LTBP1: variants seen among roughly 807,000 people sequenced by gnomAD.
The protein encoded by LTBP1 is latent transforming growth factor beta binding protein 1.
In LTBP1, 129 loss-of-function variants were observed where a neutral mutation model predicts 207.6. The ratio of observed to expected loss-of-function variants is 0.62; its 90% confidence interval spans 0.54 to 0.72. The LOEUF is 0.72. Among genes scored for constraint, LTBP1 ranks in the 30% least tolerant of loss-of-function variants. The probability of loss-of-function intolerance (pLI) is 0.00; values close to 1 mark genes in which losing one functional copy is unlikely to be tolerated. For missense variants in LTBP1, 2,281 were observed against 2,217.2 expected (o/e 1.03, Z -0.58); for synonymous variants, 963 against 833.7 (o/e 1.16, Z -2.67).
At chr2:32,952,624 G>A (rs1179380285) in intron 2 of LTBP1, among the ~76,000 whole-genome samples, 3 of 152,190 alleles carry the variant, frequency 2.0e-5, no homozygotes, top group Non-Finnish European at 4.4e-5. Flanking sequence ...TAACATTTTT[G>A]CCTCCTATCA....
chr2:33,320,681 T>C (rs886934859), intron 24 of LTBP1, among the ~76,000 whole-genome samples: 7 of 152,194 alleles, frequency 4.6e-5, no homozygotes, highest in Non-Finnish European at 1.0e-4. Context: ...TCAACATGAA[T>C]TCTATTGTCC....
At chr2:33,190,844 A>G (rs947384784) in intron 7 of LTBP1, among the ~76,000 whole-genome samples, 3 of 152,210 alleles carry the variant, frequency 2.0e-5, no homozygotes, top group Non-Finnish European at 4.4e-5. Context: ...AAATGCGACT[A>G]CAGGGGACCT....
chr2:33,114,142 G>C (rs558318113), intron 4 of LTBP1, among the ~76,000 whole-genome samples: 67 of 152,258 alleles, frequency 4.4e-4, no homozygotes, highest in African/African-American at 1.4e-3. Context: ...ATGCCCAGCC[G>C]GTAAAGGATA....
intron 2 of LTBP1, among the ~76,000 whole-genome samples, chr2:32,975,583 G>GTTTTTTTTTTTTTTTTTTTTTTTT (rs779168923): frequency 6.4e-5 from 2 of 31,360 alleles, no homozygotes; most frequent in African/African-American, 2.8e-4. Flanking sequence ...TTCATTCTTT[G>GTTTTTTTTTTTTTTTTTTTTTTTT]TTTTTTTTTT....
At chr2:33,228,857 A>G (rs2367508) in intron 9 of LTBP1, among the ~76,000 whole-genome samples, 70,224 of 150,630 alleles carry the variant, frequency 0.47, 16,722 homozygotes, top group Non-Finnish European at 0.52. Context: ...ACGCCACCAC[A>G]CCCGGCTAAT....
In LTBP1 at chr2:33,365,405, G is replaced by T; in HGVS notation, c.4613G>T (p.Arg1538Leu). The T allele has an allele frequency of 3.1e-6, 5 of 1,614,114 alleles. No individual in the cohort carries two copies. Among genetic ancestry groups the T allele is most frequent in the Non-Finnish European group, 4.2e-6 (5 of 1,180,014 alleles). Residue 1538 changes from arginine to leucine, a missense_variant, in exon 31 of 34, where the codon CGG (arginine) becomes CTG (leucine). Around this residue, in one of 3 missense-constraint regions of LTBP1, gnomAD observed 1,671 missense variants for 1,634.8 expected, o/e 1.02. Coordinates refer to ENST00000404816, the MANE Select transcript of LTBP1 (RefSeq NM_206943.4). ...EHLSDEYVCS[R>L]PLVGKQTTYT... ...CTGAGTGATGAATACGTGTGTAGCC[G>T]GCCTCTTGTGGGCAAGCAGACAACG...
chr2:33,013,037 T>C (rs1010607637), intron 2 of LTBP1, among the ~76,000 whole-genome samples: 5 of 152,206 alleles, frequency 3.3e-5, no homozygotes, highest in African/African-American at 1.2e-4. Flanking sequence ...CTACTCAACC[T>C]TTATGGTTCT....
At position 32,999,791 on chromosome 2, in the gene LTBP1, C is replaced by T. The variant is rs140285484; in HGVS notation, c.566-21118C>T. Among the ~76,000 whole-genome samples the T allele has an allele frequency of 3.6e-4, 47 of 132,282 alleles. 14 individuals are homozygous for T. The highest frequency in any genetic ancestry group is 8.6e-4 in the Admixed American group (11 of 12,856). The allele number at this position is 132,282 out of a possible 152,430, so 86.8% of individuals were successfully genotyped here. A position where few individuals can be genotyped will look rare whatever the true frequency, so the allele number is the denominator to read the frequency against. On this transcript the variant is annotated intron_variant, in intron 2 of 33. Coordinates refer to ENST00000404816, the MANE Select transcript of LTBP1 (RefSeq NM_206943.4). The stretch of plus-strand genomic sequence containing the variant: ...TCACACCACTGCACTCTAGCCTGGG[C>T]GACAGAGTGAGACTCTGTCTAAAAA...
intron 24 of LTBP1, among the ~76,000 whole-genome samples, chr2:33,333,633 A>G (rs2094521893): frequency 2.0e-5 from 3 of 152,354 alleles, no homozygotes; most frequent in South Asian, 2.1e-4. Context: ...ATTTGCTGAC[A>G]TGGTAAAAAA....
intron 25 of LTBP1, among the ~76,000 whole-genome samples, chr2:33,345,383 G>A (rs1289009200): frequency 6.6e-6 from 1 of 152,224 alleles, no homozygotes; most frequent in African/African-American, 2.4e-5. Flanking sequence ...AGGCCGTACA[G>A]GCCTGCCCCA....
intron 7 of LTBP1, among the ~76,000 whole-genome samples, chr2:33,190,178 A>G (rs1316660601): frequency 6.6e-6 from 1 of 152,196 alleles, no homozygotes; most frequent in Admixed American, 6.5e-5. Flanking sequence ...AAGACAACCT[A>G]AAAGCGTTGG....
chr2:33,297,382 T>G (rs1345930089), intron 20 of LTBP1, among the ~76,000 whole-genome samples: 1 of 151,360 alleles, frequency 6.6e-6, no homozygotes, highest in Admixed American at 6.6e-5. Context: ...ACGTCAGAGC[T>G]AGGATCTAAT....
chr2:33,043,519 G>A (rs6751782), intron 3 of LTBP1, among the ~76,000 whole-genome samples: 14,288 of 152,174 alleles, frequency 0.094, 897 homozygotes, highest in Non-Finnish European at 0.14. Flanking sequence ...CAGGAGCCAC[G>A]TGCGCAGACC....
chr2:33,299,612 T>C (rs1350627041), intron 20 of LTBP1, among the ~76,000 whole-genome samples: 2 of 152,294 alleles, frequency 1.3e-5, no homozygotes, highest in African/African-American at 2.4e-5. Flanking sequence ...TGGCTAGCCA[T>C]TCAGCAGAAC....
chr2:33,328,104 TA>T (rs1317999331), intron 24 of LTBP1, among the ~76,000 whole-genome samples: 3 of 138,052 alleles, frequency 2.2e-5, no homozygotes, highest in African/African-American at 8.1e-5. Flanking sequence ...CACTGCACTC[TA>T]GCTTGGACAA....
chr2:33,200,169 T>C (rs1451284769), intron 7 of LTBP1, among the ~76,000 whole-genome samples: 2 of 152,084 alleles, frequency 1.3e-5, no homozygotes, highest in Admixed American at 1.3e-4. Flanking sequence ...CATTGCCAAG[T>C]CAATCCTAAG....
intron 15 of LTBP1, among the ~76,000 whole-genome samples, chr2:33,266,868 A>C (rs72799716): frequency 4.9e-4 from 75 of 152,258 alleles, no homozygotes; most frequent in Non-Finnish European, 9.7e-4. Flanking sequence ...AAATGGTGGT[A>C]CTGAAAGAGC....
At chr2:33,056,453 G>C in intron 3 of LTBP1, 1 of 945,478 alleles carries the variant, frequency 1.1e-6, no homozygotes. Context: ...GTTCCCTGTT[G>C]TTGCAAATTG....
intron 3 of LTBP1, among the ~76,000 whole-genome samples, chr2:33,052,361 A>C (rs374798049): frequency 6.6e-6 from 1 of 152,268 alleles, no homozygotes; most frequent in African/African-American, 2.4e-5. Flanking sequence ...AATATTGTTC[A>C]TACCTAGCTA....
Sources: gnomAD v4.1 joint callset for allele counts (sites outside exome capture counted in the v4.1 genomes callset) on GRCh38, gnomAD v4.1.1 for gene constraint, gnomAD v4.1.1 regional missense constraint, MANE v1.5 for transcripts, NCBI Gene and HGNC (gene_info 2026-07-23, HGNC 2026-07-21) for gene names.